The following LRRC37A2 variants were observed in gnomAD, a reference collection of about 807,000 sequenced individuals.
LRRC37A2 encodes the protein leucine-rich repeat-containing protein 37A2.
A neutral mutation model predicts 68.8 loss-of-function variants in LRRC37A2; 9 were observed. The observed-to-expected ratio is 0.13, with a 90% CI of 0.08 to 0.23. The LOEUF (loss-of-function observed/expected upper bound fraction) is 0.23, where lower values mean the gene tolerates loss of function less well. Among genes scored for constraint, LRRC37A2 ranks in the 10% least tolerant of loss-of-function variants. The pLI, the probability that LRRC37A2 is intolerant of heterozygous loss-of-function variation, is 1.00. For missense variants in LRRC37A2, 168 were observed against 950.4 expected, an observed-to-expected ratio of 0.18 and a Z score of 10.82; for synonymous variants, 63 against 367.6, an observed-to-expected ratio of 0.17 and a Z score of 9.48.
At chr17:46,972,131 G>A in the LRRC37A2 span, among the ~76,000 whole-genome samples, 64 of 152,260 alleles carry the variant, frequency 4.2e-4, 1 homozygote, top group Admixed American at 1.2e-3. Context: ...GCCTGCTGTG[G>A]TGGGCACTGT....
At chr17:46,727,211 C>T in the LRRC37A2 span, among the ~76,000 whole-genome samples, 1 of 152,158 alleles carries the variant, frequency 6.6e-6, no homozygotes, top group Non-Finnish European at 1.5e-5. Flanking sequence ...TAAATATCTC[C>T]TGTGTTGAAG....
the LRRC37A2 span, among the ~76,000 whole-genome samples, chr17:46,770,357 G>T: frequency 6.6e-6 from 1 of 152,222 alleles, no homozygotes; most frequent in Non-Finnish European, 1.5e-5. Flanking sequence ...GCAGGTTGCT[G>T]CAGAGATAAG....
the LRRC37A2 span, among the ~76,000 whole-genome samples, chr17:46,909,435 C>A: frequency 2.0e-5 from 3 of 152,100 alleles, no homozygotes; most frequent in African/African-American, 7.2e-5. Context: ...TTATTTAATC[C>A]AATACAGATG....
At chr17:46,772,806 C>T in the LRRC37A2 span, among the ~76,000 whole-genome samples, 3 of 143,662 alleles carry the variant, frequency 2.1e-5, no homozygotes, top group African/African-American at 2.5e-5. Flanking sequence ...ACCTGAACGT[C>T]AGATCCCTTT....
chr17:46,923,238 G>A, the LRRC37A2 span: 2 of 1,551,036 alleles, frequency 1.3e-6, no homozygotes, highest in South Asian at 1.2e-5. Context: ...GCCGGTCGGG[G>A]AGCGGGCAGG....
the LRRC37A2 span, among the ~76,000 whole-genome samples, chr17:46,925,543 A>G: frequency 1.3e-5 from 2 of 152,172 alleles, no homozygotes; most frequent in African/African-American, 2.4e-5. Flanking sequence ...GAATGATATT[A>G]TAATTTGGGC....
chr17:46,938,619 T>C, the LRRC37A2 span: 2 of 1,614,126 alleles, frequency 1.2e-6, no homozygotes, highest in African/African-American at 1.3e-5. Context: ...AGAAGATCCT[T>C]GACATTGCCA....
the LRRC37A2 span, among the ~76,000 whole-genome samples, chr17:46,956,720 C>T: frequency 3.3e-5 from 5 of 152,210 alleles, no homozygotes; most frequent in Non-Finnish European, 5.9e-5. Context: ...TCTACTGTCT[C>T]GTGGCTCCTG....
the LRRC37A2 span, among the ~76,000 whole-genome samples, chr17:46,892,426 C>T: frequency 1.1e-4 from 16 of 152,310 alleles, 1 homozygote; most frequent in South Asian, 2.9e-3. Context: ...TTTGTATGTG[C>T]CAGTCCTACT....
chr17:46,900,192 T>TACATAC, the LRRC37A2 span, among the ~76,000 whole-genome samples: 4 of 97,464 alleles, frequency 4.1e-5, no homozygotes, highest in African/African-American at 2.1e-4. Context: ...TATATATATA[T>TACATAC]ATATATATAT....
the LRRC37A2 span, among the ~76,000 whole-genome samples, chr17:46,729,920 A>G: frequency 1.3e-5 from 2 of 152,238 alleles, no homozygotes; most frequent in Non-Finnish European, 2.9e-5. Context: ...GAAGATTTGC[A>G]ACATATGTGT....
chr17:46,752,393 C>A, the LRRC37A2 span, among the ~76,000 whole-genome samples: 1 of 152,146 alleles, frequency 6.6e-6, no homozygotes, highest in African/African-American at 2.4e-5. Flanking sequence ...TTGGCTCTTA[C>A]TATTGAGTCC....
At chr17:47,048,214 C>T in the LRRC37A2 span, among the ~76,000 whole-genome samples, 1 of 150,732 alleles carries the variant, frequency 6.6e-6, no homozygotes, top group Non-Finnish European at 1.5e-5. Flanking sequence ...CTCCCCAAGC[C>T]CATGCTTCTT....
chr17:47,043,710 G>A, the LRRC37A2 span, among the ~76,000 whole-genome samples: 1 of 141,494 alleles, frequency 7.1e-6, no homozygotes, highest in East Asian at 2.0e-4. Context: ...TTTTAACTGT[G>A]CAAATTAAGC....
the LRRC37A2 span, among the ~76,000 whole-genome samples, chr17:46,836,688 G>A: frequency 6.6e-6 from 1 of 152,214 alleles, no homozygotes; most frequent in African/African-American, 2.4e-5. Context: ...TGTGGAGAAA[G>A]TGACTGGCCT....
At chr17:46,910,501 G>T in the LRRC37A2 span, among the ~76,000 whole-genome samples, 2 of 152,314 alleles carry the variant, frequency 1.3e-5, no homozygotes, top group East Asian at 3.9e-4. Flanking sequence ...AATTCCTGAA[G>T]ATGTCCTCTT....
At chr17:46,950,815 A>T in the LRRC37A2 span, among the ~76,000 whole-genome samples, 4 of 152,180 alleles carry the variant, frequency 2.6e-5, no homozygotes, top group African/African-American at 9.7e-5. Flanking sequence ...CAAATCCCAG[A>T]ACAGAGGAAA....
chr17:46,833,647 C>T, the LRRC37A2 span, among the ~76,000 whole-genome samples: 2 of 152,102 alleles, frequency 1.3e-5, no homozygotes, highest in African/African-American at 2.4e-5. Flanking sequence ...TCAGTTCTAA[C>T]AAAATCAAGA....
the LRRC37A2 span, among the ~76,000 whole-genome samples, chr17:46,812,359 A>G: frequency 6.6e-6 from 1 of 151,600 alleles, no homozygotes; most frequent in Non-Finnish European, 1.5e-5. Context: ...GAATGTAATT[A>G]AGCAGCAGCT....
Sources: allele counts gnomAD v4.1 joint callset (sites outside exome capture counted in the v4.1 genomes callset), GRCh38; gene constraint gnomAD v4.1.1; transcripts MANE v1.5; gene names NCBI Gene and HGNC (gene_info 2026-07-23, HGNC 2026-07-21).